The following CACNA1D variants were observed in gnomAD, a reference collection of about 807,000 sequenced individuals.
CACNA1D encodes voltage-dependent L-type calcium channel subunit alpha-1D.
Under a neutral mutation model 257.1 loss-of-function variants are expected in CACNA1D, and 55 were observed. That is an observed-to-expected ratio of 0.21 (90% CI 0.17 to 0.27). CACNA1D has a LOEUF of 0.27. CACNA1D is among the 10% of genes least tolerant of loss of function. The pLI, the probability that CACNA1D is intolerant of heterozygous loss-of-function variation, is 1.00. For missense variants in CACNA1D, 1,876 were observed against 2,784.0 expected, an observed-to-expected ratio of 0.67 and a Z score of 7.34; for synonymous variants, 980 against 1,014.9, an observed-to-expected ratio of 0.97 and a Z score of 0.65.
At chr3:53,566,593 C>T (rs996991461) in intron 3 of CACNA1D, among the ~76,000 whole-genome samples, 4 of 152,164 alleles carry the variant, frequency 2.6e-5, no homozygotes, top group Non-Finnish European at 5.9e-5. Flanking sequence ...GGACCAGGGA[C>T]TTTGTCTTTT....
At chr3:53,806,934 C>T (rs2095569216) in intron 45 of CACNA1D, among the ~76,000 whole-genome samples, 1 of 152,188 alleles carries the variant, frequency 6.6e-6, no homozygotes, top group African/African-American at 2.4e-5. Context: ...GCCTACTTGG[C>T]CAAGCAAGCA....
chr3:53,726,722 T>C (rs550484721), intron 14 of CACNA1D, among the ~76,000 whole-genome samples, 157 bp from the exon 15 acceptor site: 2 of 152,332 alleles, frequency 1.3e-5, no homozygotes, highest in South Asian at 2.1e-4. Flanking sequence ...AAAAACAGTG[T>C]TTTAGAAATT....
At position 53,800,871 on chromosome 3, in the gene CACNA1D, C is replaced by A. The variant is rs2095532971; in HGVS notation, c.5041-187C>A. The stretch of plus-strand genomic sequence containing the variant: ...AGCTCAGGAAATCGGTAACCTTCCT[C>A]ATCTCGGGGGGACCAACTGCCACAC... On this transcript the variant is annotated intron_variant, in intron 41 of 47. Coordinates refer to ENST00000350061, the MANE Select transcript of CACNA1D (RefSeq NM_001128840.3). The surrounding 1 kb of genome is among the most constrained non-coding windows in gnomAD (Gnocchi z 4.3). The A allele has an allele frequency of 3.1e-6, 2 of 646,780 alleles. No individual in the cohort carries two copies. Among genetic ancestry groups the A allele is most frequent in the African/African-American group, 1.8e-5 (1 of 55,260 alleles). 40.1% of individuals were successfully genotyped at this position (646,780 alleles called of 1,614,324 possible). A position where few individuals can be genotyped will look rare whatever the true frequency, so the allele number is the denominator to read the frequency against.
intron 8 of CACNA1D, among the ~76,000 whole-genome samples, chr3:53,685,747 T>A (rs1217075149): frequency 1.3e-5 from 2 of 152,092 alleles, no homozygotes; most frequent in East Asian, 1.9e-4. Flanking sequence ...ACTTTGAAAC[T>A]GATAAAATCC....
In CACNA1D at chr3:53,800,173, G is replaced by A; in HGVS notation, c.4924-76G>A. Reference sequence around the variant, plus strand: ...TTCCTCCCCACCGCTGAATCAGGAAGGAGCAAAGCCAGGACCCAGGCTGGC... The same window carrying A: ...TTCCTCCCCACCGCTGAATCAGGAAAGAGCAAAGCCAGGACCCAGGCTGGC... On this transcript the variant is annotated intron_variant, in intron 40 of 47. Transcript: ENST00000350061. The surrounding 1 kb of genome is among the most constrained non-coding windows in gnomAD (Gnocchi z 4.3). 1 of 1,025,122 alleles carries A rather than the reference G, an allele frequency of 9.8e-7. No individual in the cohort carries two copies. Among genetic ancestry groups the A allele is most frequent in the Admixed American group, 1.7e-5 (1 of 59,252 alleles). 63.5% of individuals were successfully genotyped at this position (1,025,122 alleles called of 1,614,324 possible).
At chr3:53,765,073 A>G (rs565865111) in intron 30 of CACNA1D, among the ~76,000 whole-genome samples, 10 of 152,306 alleles carry the variant, frequency 6.6e-5, no homozygotes, top group African/African-American at 2.4e-4. Flanking sequence ...TCCATCTTTC[A>G]ACACACATTC....
intron 3 of CACNA1D, among the ~76,000 whole-genome samples, chr3:53,574,207 G>T (rs573376002): frequency 6.6e-6 from 1 of 152,078 alleles, no homozygotes; most frequent in East Asian, 1.9e-4. Flanking sequence ...TCCTTCTGCC[G>T]TGCACACACC....
At chr3:53,693,223 C>G (rs2094544003) in intron 8 of CACNA1D, among the ~76,000 whole-genome samples, 2 of 152,104 alleles carry the variant, frequency 1.3e-5, no homozygotes, top group South Asian at 2.1e-4. Flanking sequence ...AGCTGTCTTC[C>G]CCCCACAGAC....
chr3:53,527,293 G>A (rs1015046478), intron 3 of CACNA1D, among the ~76,000 whole-genome samples: 1 of 152,230 alleles, frequency 6.6e-6, no homozygotes, highest in Non-Finnish European at 1.5e-5. Context: ...CTACTCCAGT[G>A]TGGATTTGCC....
At chr3:53,604,329 T>A (rs1209413351) in intron 3 of CACNA1D, among the ~76,000 whole-genome samples, 1 of 152,082 alleles carries the variant, frequency 6.6e-6, no homozygotes, top group Admixed American at 6.5e-5. Flanking sequence ...TGAGCAGGCA[T>A]TTGGATGACT....
intron 3 of CACNA1D, among the ~76,000 whole-genome samples, chr3:53,592,473 A>T (rs545575168): frequency 6.6e-6 from 1 of 152,162 alleles, no homozygotes; most frequent in Non-Finnish European, 1.5e-5. Flanking sequence ...TCCGAATTAG[A>T]TGGAGAGCTG....
chr3:53,790,669 T>A (rs1307871630), intron 40 of CACNA1D, among the ~76,000 whole-genome samples: 2 of 152,204 alleles, frequency 1.3e-5, no homozygotes, highest in African/African-American at 4.8e-5. Flanking sequence ...TGAGGGGAGA[T>A]GTGGGTGGTA....
At chr3:53,527,711 G>T (rs1488145292) in intron 3 of CACNA1D, among the ~76,000 whole-genome samples, 1 of 152,154 alleles carries the variant, frequency 6.6e-6, no homozygotes, top group Non-Finnish European at 1.5e-5. Context: ...TTTGTGCGCT[G>T]GTAGTATTTA....
chr3:53,597,487 C>A (rs1243346767), intron 3 of CACNA1D, among the ~76,000 whole-genome samples: 3 of 152,220 alleles, frequency 2.0e-5, no homozygotes, highest in African/African-American at 7.2e-5. Flanking sequence ...TTTTCTCAGG[C>A]TAGTAGAAGG....
intron 3 of CACNA1D, among the ~76,000 whole-genome samples, chr3:53,606,061 G>A (rs2093505982): frequency 6.6e-6 from 1 of 152,216 alleles, no homozygotes; most frequent in Admixed American, 6.5e-5. Context: ...ACACCAAGAA[G>A]GCTGGTGTGG....
intron 19 of CACNA1D, among the ~76,000 whole-genome samples, chr3:53,734,230 T>C (rs963902372): frequency 2.0e-5 from 3 of 150,866 alleles, no homozygotes; most frequent in Admixed American, 6.6e-5. Context: ...TAAAGTTGAC[T>C]CCAGTTTGAA....
rs1435391566 is a variant in CACNA1D, at chr3:53,494,704, C to G, written c.-463C>G. 1.4e-5 allele frequency: 2 copies of G among 144,942 alleles called. No homozygotes were observed. The highest frequency in any genetic ancestry group is 5.0e-5 in the African/African-American group (2 of 40,200). 9.0% of individuals were successfully genotyped at this position (144,942 alleles called of 1,614,324 possible). ...TGTGAGCTCCGGCTGCCCGCGGTCCCGAGCCAGCGGCGGCGCGGGCGGCGG... is the reference window on the plus strand; with the variant it reads ...TGTGAGCTCCGGCTGCCCGCGGTCCGGAGCCAGCGGCGGCGCGGGCGGCGG... On this transcript the variant is annotated 5_prime_UTR_variant, in exon 1 of 48. Transcript: ENST00000350061.
Position 53,666,531 on chromosome 3 carries a change from A to G in CACNA1D, c.1112A>G (p.Tyr371Cys). 6.2e-7 allele frequency: 1 copy of G among 1,612,304 alleles called. No homozygotes were observed. The highest frequency in any genetic ancestry group is 2.2e-5 in the East Asian group (1 of 44,884). The change falls in exon 7 of 48, where the codon TAC becomes TGC. Residue 371 changes from tyrosine (Y) to cysteine (C), a missense_variant. Coordinates refer to ENST00000350061, the MANE Select transcript of CACNA1D (RefSeq NM_001128840.3). ...ATGGAGGGCTGGACAGATGTGCTCT[A>G]CTGGGTAAGTACCCTGGGGAGAGAG... ...ITMEGWTDVL[Y>C]WMNDAMGFEL...
rs1243298741 is a variant in CACNA1D at position 53,774,518 on chromosome 3, A to G, written c.4111-69A>G. ...TAAAGATCAAACCTGAGTTAGTTCTAAATTCACATACGGATTTTTTTTGCA... is the reference window on the plus strand; with the variant it reads ...TAAAGATCAAACCTGAGTTAGTTCTGAATTCACATACGGATTTTTTTTGCA... On this transcript the variant is annotated intron_variant, in intron 33 of 47. Transcript: ENST00000350061. The surrounding 1 kb of genome is among the most constrained non-coding windows in gnomAD (Gnocchi z 4.3). 2 of 942,824 alleles carry G rather than the reference A, an allele frequency of 2.1e-6. No homozygotes were observed. The highest frequency in any genetic ancestry group is 3.5e-6 in the Non-Finnish European group (2 of 568,658). 58.4% of individuals were successfully genotyped at this position (942,824 alleles called of 1,614,324 possible). A position where few individuals can be genotyped will look rare whatever the true frequency, so the allele number is the denominator to read the frequency against.
Sources: gnomAD v4.1 joint callset for allele counts (sites outside exome capture counted in the v4.1 genomes callset) on GRCh38, gnomAD v4.1.1 for gene constraint, Gnocchi (gnomAD v3.1) non-coding constraint, MANE v1.5 for transcripts, NCBI Gene and HGNC (gene_info 2026-07-23, HGNC 2026-07-21) for gene names.